The following VAV3 variants were observed in gnomAD, a reference collection of about 807,000 sequenced individuals.
The protein encoded by VAV3 is guanine nucleotide exchange factor VAV3.
VAV3 carries 94 observed loss-of-function variants against 131.2 expected under a neutral mutation model. The observed-to-expected ratio is 0.72, with a 90% CI of 0.61 to 0.85. The LOEUF (loss-of-function observed/expected upper bound fraction) is 0.85. Among genes scored for constraint, VAV3 ranks in the 40% least tolerant of loss-of-function variants. The pLI is 0.00. For missense variants in VAV3, 939 were observed against 1,002.7 expected (o/e 0.94, Z 0.86); for synonymous variants, 349 against 342.0 (o/e 1.02, Z -0.22).
At chr1:107,801,814 T>C (rs1236233288) in intron 2 of VAV3, among the ~76,000 whole-genome samples, 2 of 152,306 alleles carry the variant, frequency 1.3e-5, no homozygotes, top group East Asian at 1.9e-4. Flanking sequence ...TAAACTCATT[T>C]AAATTTAATT....
chr1:107,712,640 G>C (rs1012787039), intron 15 of VAV3, among the ~76,000 whole-genome samples: 1 of 152,034 alleles, frequency 6.6e-6, no homozygotes. Flanking sequence ...TTTTGTGGCA[G>C]TTTATTAGTC....
At position 107,953,482 on chromosome 1, in the gene VAV3, T is replaced by C. The variant is rs560423414; in HGVS notation, c.204+11184A>G. Among the ~76,000 whole-genome samples, 10 of 152,360 alleles carry C rather than the reference T, an allele frequency of 6.6e-5. No individual in the cohort carries two copies. In the East Asian group the frequency reaches 1.9e-3, roughly 29 times the overall value. On this transcript the variant is annotated intron_variant, in intron 1 of 26. Transcript: ENST00000370056. ...GTTAAGTGCCAGAGCTGGGATTCAA[T>C]CATTTCTGCCTGATCCCTGATCATG... is the stretch of plus-strand genomic sequence containing the variant.
chr1:107,709,861 A>G (rs1032258870), intron 15 of VAV3, among the ~76,000 whole-genome samples: 3 of 152,198 alleles, frequency 2.0e-5, no homozygotes, highest in Non-Finnish European at 4.4e-5. Context: ...ACTGTGAGTC[A>G]ATTAAATCTC....
At chr1:107,758,689 G>C (rs17542174) in intron 10 of VAV3, among the ~76,000 whole-genome samples, 16,904 of 152,080 alleles carry the variant, frequency 0.11, 1,072 homozygotes, top group Non-Finnish European at 0.14. Context: ...ATATAAATCA[G>C]ATCCTGTCTC....
intron 1 of VAV3, among the ~76,000 whole-genome samples, chr1:107,881,526 C>T (rs1670780162): frequency 6.6e-6 from 1 of 152,192 alleles, no homozygotes; most frequent in African/African-American, 2.4e-5. Context: ...GCCTCTCTCT[C>T]AGGTATATCC....
intron 2 of VAV3, among the ~76,000 whole-genome samples, chr1:107,780,438 T>C (rs1488073151): frequency 1.3e-5 from 2 of 152,182 alleles, no homozygotes; most frequent in Admixed American, 6.5e-5. Flanking sequence ...CTTCAATCTT[T>C]TGTCCTAAGA....
intron 25 of VAV3, among the ~76,000 whole-genome samples, chr1:107,575,189 A>C (rs1192292085): frequency 5.9e-5 from 9 of 152,184 alleles, no homozygotes; most frequent in African/African-American, 1.9e-4. Flanking sequence ...TTGGGGTTAT[A>C]AAGTGTTTTC....
chr1:107,875,185 C>G (rs967170944), intron 1 of VAV3, among the ~76,000 whole-genome samples, 168 bp from the exon 2 acceptor site: 5 of 152,200 alleles, frequency 3.3e-5, no homozygotes, highest in African/African-American at 1.2e-4. Context: ...CAGTCTCTCT[C>G]AGGCACAGGT....
intron 20 of VAV3, among the ~76,000 whole-genome samples, chr1:107,634,778 A>C (rs1410288682): frequency 6.6e-6 from 1 of 151,978 alleles, no homozygotes; most frequent in Non-Finnish European, 1.5e-5. Flanking sequence ...ATTTACAAGA[A>C]AAAAACAAAC....
chr1:107,931,034 C>G (rs1673414045), intron 1 of VAV3, among the ~76,000 whole-genome samples: 1 of 152,034 alleles, frequency 6.6e-6, no homozygotes, highest in South Asian at 2.1e-4. Flanking sequence ...CTCGTTACTA[C>G]CTAGAGAAAA....
intron 15 of VAV3, among the ~76,000 whole-genome samples, chr1:107,716,534 G>A (rs1457498481): frequency 6.6e-6 from 1 of 152,160 alleles, no homozygotes; most frequent in Non-Finnish European, 1.5e-5. Context: ...GATGGATTAC[G>A]TTTATTCATT....
At chr1:107,941,965 T>G (rs2101273375) in intron 1 of VAV3, among the ~76,000 whole-genome samples, 1 of 152,248 alleles carries the variant, frequency 6.6e-6, no homozygotes, top group Admixed American at 6.5e-5. Context: ...TCAGGCCACA[T>G]CCAGCCAGCC....
At chr1:107,754,341 T>C (rs1663965982) in intron 12 of VAV3, among the ~76,000 whole-genome samples, 1 of 152,176 alleles carries the variant, frequency 6.6e-6, no homozygotes, top group South Asian at 2.1e-4. Flanking sequence ...GATGATGGTG[T>C]CCTGAAATGG....
At chr1:107,594,052 T>TG (rs1651178468) in intron 25 of VAV3, among the ~76,000 whole-genome samples, 1 of 152,066 alleles carries the variant, frequency 6.6e-6, no homozygotes, top group Non-Finnish European at 1.5e-5. Context: ...AACACTGGAA[T>TG]GGTATCACAA....
chr1:107,926,432 C>G (rs1483309417), intron 1 of VAV3, among the ~76,000 whole-genome samples: 1 of 152,130 alleles, frequency 6.6e-6, no homozygotes, highest in Admixed American at 6.5e-5. Flanking sequence ...TTCAAAGACA[C>G]CAATTTAACA....
At chr1:107,665,322 A>G (rs561732479) in intron 19 of VAV3, among the ~76,000 whole-genome samples, 10 of 152,280 alleles carry the variant, frequency 6.6e-5, no homozygotes, top group African/African-American at 2.4e-4. Context: ...GGGATAATTT[A>G]AAAACAATAA....
chr1:107,629,516 C>T (rs1261857110), intron 20 of VAV3, among the ~76,000 whole-genome samples: 2 of 152,118 alleles, frequency 1.3e-5, no homozygotes, highest in Non-Finnish European at 2.9e-5. Flanking sequence ...AAAAACTATG[C>T]CTTACACCTG....
chr1:107,762,763 T>G (rs986471107), intron 9 of VAV3, among the ~76,000 whole-genome samples: 1 of 152,114 alleles, frequency 6.6e-6, no homozygotes, highest in Non-Finnish European at 1.5e-5. Flanking sequence ...GCTCAGGAAG[T>G]AAAGAAACCA....
chr1:107,693,122 T>C (rs534700184), intron 17 of VAV3, among the ~76,000 whole-genome samples: 2 of 152,238 alleles, frequency 1.3e-5, no homozygotes, highest in Admixed American at 1.3e-4. Context: ...GCTTGCATAG[T>C]GGAGTTCATA....
Sources: gnomAD v4.1 joint callset for allele counts (sites outside exome capture counted in the v4.1 genomes callset) on GRCh38, gnomAD v4.1.1 for gene constraint, MANE v1.5 for transcripts, NCBI Gene and HGNC (gene_info 2026-07-23, HGNC 2026-07-21) for gene names.